Variants in PPARGC1A observed in about 807,000 individuals in gnomAD.
PPARGC1A encodes the protein peroxisome proliferator-activated receptor gamma coactivator 1-alpha.
Under a neutral mutation model 88.7 loss-of-function variants are expected in PPARGC1A, and 25 were observed. The observed-to-expected ratio is 0.28, with a 90% CI of 0.21 to 0.39. The LOEUF is 0.39. Ranked by LOEUF, PPARGC1A falls within the 10% of genes least tolerant of loss-of-function variation. The pLI, the probability that PPARGC1A is intolerant of heterozygous loss-of-function variation, is 1.00. For synonymous variants in PPARGC1A, 363 were observed against 355.6 expected (o/e 1.02, Z -0.24); for missense variants, 880 against 968.7 (o/e 0.91, Z 1.22).
At chr4:24,176,981 T>C in the PPARGC1A span, among the ~76,000 whole-genome samples, 1 of 152,146 alleles carries the variant, frequency 6.6e-6, no homozygotes, top group Non-Finnish European at 1.5e-5. Context: ...GCATCTTTAG[T>C]CCATCAAAGA....
intron 7 of PPARGC1A, chr4:23,820,546 A>G (rs1300888971): frequency 3.7e-5 from 14 of 376,188 alleles, no homozygotes; most frequent in Non-Finnish European, 7.0e-5. Flanking sequence ...CTCCATATGC[A>G]ATAGATTTAA....
chr4:23,910,362 T>TATTAGATA, the PPARGC1A span, among the ~76,000 whole-genome samples: 2 of 102,638 alleles, frequency 1.9e-5, no homozygotes, highest in African/African-American at 8.2e-5. Flanking sequence ...ATATATTATA[T>TATTAGATA]ATATTATATT....
At chr4:24,190,297 T>C in the PPARGC1A span, among the ~76,000 whole-genome samples, 14 of 152,182 alleles carry the variant, frequency 9.2e-5, 1 homozygote, top group South Asian at 2.1e-3. Context: ...GGGTGGATCA[T>C]GAGGTCAGGA....
chr4:24,371,338 C>T, the PPARGC1A span, among the ~76,000 whole-genome samples: 964 of 152,176 alleles, frequency 6.3e-3, 22 homozygotes, highest in African/African-American at 0.022. Context: ...ATACACAGAC[C>T]CTCTTTGATC....
the PPARGC1A span, among the ~76,000 whole-genome samples, chr4:24,179,606 A>G: frequency 5.9e-5 from 9 of 152,174 alleles, no homozygotes; most frequent in East Asian, 1.9e-4. Context: ...CGAGCCCCCA[A>G]TACAAAACTG....
intron 7 of PPARGC1A, among the ~76,000 whole-genome samples, chr4:23,815,930 T>C (rs1436713096): frequency 6.6e-6 from 1 of 152,028 alleles, no homozygotes; most frequent in African/African-American, 2.4e-5. Flanking sequence ...AACACACATA[T>C]ATCGAGAGCC....
At position 23,793,678 on chromosome 4, in the gene PPARGC1A, C is replaced by T. The variant is rs925657208; in HGVS notation, c.*2144G>A. 6.6e-6 allele frequency: 1 copy of T among 152,146 alleles called. No individual in the cohort carries two copies. The highest frequency in any genetic ancestry group is 2.4e-5 in the African/African-American group (1 of 41,432). The allele number at this position is 152,146 out of a possible 1,614,324, so 9.4% of individuals were successfully genotyped here. On this transcript the variant is annotated 3_prime_UTR_variant, in exon 13 of 13. Transcript: ENST00000264867. ...ACTGAATTCCATTCCAGGGACTCCA[C>T]ACTCAGATGAAATCCTGATGATCAA...
chr4:24,066,860 T>G, the PPARGC1A span, among the ~76,000 whole-genome samples: 1 of 86,612 alleles, frequency 1.2e-5, no homozygotes, highest in Admixed American at 1.6e-4. Flanking sequence ...TTTTTTTTTT[T>G]TTTTTTTTTT....
the PPARGC1A span, among the ~76,000 whole-genome samples, chr4:24,140,306 CTT>C: frequency 6.6e-6 from 1 of 152,144 alleles, no homozygotes; most frequent in Non-Finnish European, 1.5e-5. Context: ...TAAAGATAAA[CTT>C]GAGTTATATT....
chr4:23,910,376 TTA>T, the PPARGC1A span, among the ~76,000 whole-genome samples: 5 of 105,996 alleles, frequency 4.7e-5, no homozygotes, highest in Admixed American at 1.5e-4. Flanking sequence ...TTATATTATA[TTA>T]TATATATTAT....
the PPARGC1A span, among the ~76,000 whole-genome samples, chr4:24,064,784 C>A: frequency 6.6e-6 from 1 of 152,168 alleles, no homozygotes; most frequent in East Asian, 1.9e-4. Flanking sequence ...TTTTTAATGC[C>A]AATATGTGCA....
chr4:23,907,660 A>T (rs140995743), upstream of PPARGC1A, among the ~76,000 whole-genome samples: 9 of 152,318 alleles, frequency 5.9e-5, no homozygotes, highest in African/African-American at 2.2e-4. Flanking sequence ...GACTAAGTAA[A>T]TGGTTGTAGA....
the PPARGC1A span, among the ~76,000 whole-genome samples, chr4:24,260,733 C>T: frequency 0.12 from 17,791 of 150,644 alleles, 1,300 homozygotes; most frequent in Middle Eastern, 0.24. Flanking sequence ...TTTTTTTTAA[C>T]TGCTATGAAA....
At chr4:24,091,723 C>T in the PPARGC1A span, 2 of 808,672 alleles carry the variant, frequency 2.5e-6, no homozygotes, top group Non-Finnish European at 3.0e-6. Context: ...ATGGGGCTAC[C>T]CAGACAGATG....
At chr4:24,009,133 T>TAAAAA in the PPARGC1A span, among the ~76,000 whole-genome samples, 569 of 74,456 alleles carry the variant, frequency 7.6e-3, 14 homozygotes, top group South Asian at 0.1. Flanking sequence ...CCGCAGTCTA[T>TAAAAA]AAAAAAAAAA....
the PPARGC1A span, among the ~76,000 whole-genome samples, chr4:23,987,526 T>TG: frequency 6.6e-6 from 1 of 152,112 alleles, no homozygotes; most frequent in African/African-American, 2.4e-5. Context: ...ACCTAATTTC[T>TG]GTCTCTATTG....
chr4:24,106,182 G>T, the PPARGC1A span, among the ~76,000 whole-genome samples: 1 of 152,108 alleles, frequency 6.6e-6, no homozygotes, highest in Non-Finnish European at 1.5e-5. Context: ...TTTTCTTCCA[G>T]ATTTTGCCTT....
the PPARGC1A span, among the ~76,000 whole-genome samples, chr4:23,911,650 A>G: frequency 6.6e-6 from 1 of 152,348 alleles, no homozygotes; most frequent in East Asian, 1.9e-4. Flanking sequence ...TAACTTTCCA[A>G]TTGGACAAGA....
chr4:23,991,323 C>T, the PPARGC1A span, among the ~76,000 whole-genome samples: 1 of 152,076 alleles, frequency 6.6e-6, no homozygotes, highest in Non-Finnish European at 1.5e-5. Context: ...CACAATACTG[C>T]TCAATAAATA....
Sources: allele counts gnomAD v4.1 joint callset (sites outside exome capture counted in the v4.1 genomes callset), GRCh38; gene constraint gnomAD v4.1.1; transcripts MANE v1.5; gene names NCBI Gene and HGNC (gene_info 2026-07-23, HGNC 2026-07-21).